The following CTNNA2 variants were observed in gnomAD, a reference collection of about 807,000 sequenced individuals.
CTNNA2 encodes the protein catenin alpha-2.
A neutral mutation model predicts 101.0 loss-of-function variants in CTNNA2; 42 were observed. The ratio of observed to expected loss-of-function variants is 0.42; its 90% CI spans 0.32 to 0.54. The LOEUF is 0.54. Ranked by LOEUF, CTNNA2 falls within the 20% of genes least tolerant of loss-of-function variation. The pLI is 0.14. For missense variants in CTNNA2, 871 were observed against 1,223.1 expected, an observed-to-expected ratio of 0.71 and a Z score of 4.29; for synonymous variants, 450 against 456.4, an observed-to-expected ratio of 0.99 and a Z score of 0.18.
At chr2:79,747,691 G>A (rs901808516) in intron 3 of CTNNA2, among the ~76,000 whole-genome samples, 1 of 152,166 alleles carries the variant, frequency 6.6e-6, no homozygotes, top group African/African-American at 2.4e-5. Context: ...AAACAACACA[G>A]TTCTTGGCCA....
chr2:80,284,313 A>G (rs545672605), intron 7 of CTNNA2, among the ~76,000 whole-genome samples: 1 of 152,244 alleles, frequency 6.6e-6, no homozygotes, highest in East Asian at 1.9e-4. Flanking sequence ...AGGCCAATCA[A>G]TTTTAAAGTA....
intron 8 of CTNNA2, among the ~76,000 whole-genome samples, chr2:80,395,847 T>C (rs771584823): frequency 6.6e-5 from 10 of 152,172 alleles, no homozygotes; most frequent in Non-Finnish European, 1.3e-4. Flanking sequence ...TTTAGAGAGA[T>C]CAAATCTCAT....
chr2:79,219,100 C>T (rs1048852177), intron 2 of CTNNA2, among the ~76,000 whole-genome samples: 1 of 152,068 alleles, frequency 6.6e-6, no homozygotes. Flanking sequence ...CCTTTACTTC[C>T]TCCTATTTTT....
intron 9 of CTNNA2, among the ~76,000 whole-genome samples, chr2:80,431,671 A>G (rs1681518252): frequency 6.6e-6 from 1 of 152,142 alleles, no homozygotes; most frequent in Non-Finnish European, 1.5e-5. Flanking sequence ...GGCAATATGG[A>G]ACCCATCACT....
At chr2:80,135,907 G>T (rs116391653) in intron 7 of CTNNA2, among the ~76,000 whole-genome samples, 6 of 152,068 alleles carry the variant, frequency 3.9e-5, no homozygotes, top group Admixed American at 1.3e-4. Flanking sequence ...GAGGATGGTG[G>T]TATAAAACAT....
chr2:79,595,076 C>T (rs1032504018), intron 1 of CTNNA2, among the ~76,000 whole-genome samples: 1 of 152,086 alleles, frequency 6.6e-6, no homozygotes, highest in Non-Finnish European at 1.5e-5. Flanking sequence ...TTTGCTTTCT[C>T]TCTTTAGTCC....
intron 3 of CTNNA2, among the ~76,000 whole-genome samples, chr2:79,771,690 C>A (rs539209359): frequency 1.3e-5 from 2 of 152,130 alleles, no homozygotes; most frequent in Non-Finnish European, 2.9e-5. Flanking sequence ...GGAGCTCAGG[C>A]GGTAATGCCA....
chr2:79,450,551 T>C (rs968022132), intron 4 of CTNNA2, among the ~76,000 whole-genome samples: 1 of 152,114 alleles, frequency 6.6e-6, no homozygotes, highest in Non-Finnish European at 1.5e-5. Flanking sequence ...CTAGGTATGC[T>C]TTTTGTTTGA....
At chr2:79,822,977 A>C (rs1242333389) in intron 3 of CTNNA2, among the ~76,000 whole-genome samples, 1 of 152,072 alleles carries the variant, frequency 6.6e-6, no homozygotes, top group African/African-American at 2.4e-5. Context: ...CTCTTTTCTG[A>C]TGTATGCTGG....
At chr2:79,701,738 ATGCC>A (rs990971015) in intron 2 of CTNNA2, among the ~76,000 whole-genome samples, 1 of 152,172 alleles carries the variant, frequency 6.6e-6, no homozygotes, top group African/African-American at 2.4e-5. Context: ...ATGATGGCTC[ATGCC>A]TGTAATCCCA....
intron 7 of CTNNA2, among the ~76,000 whole-genome samples, chr2:80,216,095 G>A (rs573874304): frequency 6.6e-6 from 1 of 152,326 alleles, no homozygotes; most frequent in African/African-American, 2.4e-5. Context: ...TGTGCCATTT[G>A]CTAAGACTGT....
At chr2:80,307,427 A>G (rs1229641515) in intron 7 of CTNNA2, among the ~76,000 whole-genome samples, 4 of 152,172 alleles carry the variant, frequency 2.6e-5, no homozygotes, top group Non-Finnish European at 5.9e-5. Context: ...GCTGTTTTTC[A>G]TGAGTTTTAA....
intron 7 of CTNNA2, among the ~76,000 whole-genome samples, chr2:80,084,199 A>G (rs547859269): frequency 6.6e-6 from 1 of 152,278 alleles, no homozygotes; most frequent in African/African-American, 2.4e-5. Flanking sequence ...AACTATTGAG[A>G]AGTTGACACA....
intron 1 of CTNNA2, among the ~76,000 whole-genome samples, chr2:79,548,482 G>T (rs895385774): frequency 2.6e-5 from 4 of 152,142 alleles, no homozygotes; most frequent in Non-Finnish European, 4.4e-5. Context: ...AGAAATTGAT[G>T]ATTTGATTTC....
intron 3 of CTNNA2, among the ~76,000 whole-genome samples, chr2:79,857,729 C>T (rs889434244): frequency 6.6e-6 from 1 of 152,138 alleles, no homozygotes; most frequent in Non-Finnish European, 1.5e-5. Flanking sequence ...GCAAATCCAT[C>T]TCAACTATTA....
intron 7 of CTNNA2, among the ~76,000 whole-genome samples, chr2:80,204,476 A>C (rs923120574): frequency 5.3e-5 from 8 of 152,344 alleles, no homozygotes; most frequent in African/African-American, 1.7e-4. Flanking sequence ...GCAAAATGCC[A>C]CCAGTCTCTT....
chr2:80,302,839 C>A lies in CTNNA2; in HGVS notation c.1057-90372C>A. 1 of 1,614,064 alleles carries A rather than the reference C, an allele frequency of 6.2e-7. No individual in the cohort carries two copies. ...AGCGCCCCTGGAAGTTGTTGAGCCACGAGGCTAGGGCACACACGTTGCGCC... is the reference window on the plus strand; with the variant it reads ...AGCGCCCCTGGAAGTTGTTGAGCCAAGAGGCTAGGGCACACACGTTGCGCC... On this transcript the variant is annotated intron_variant, in intron 7 of 18. Transcript: ENST00000402739. The surrounding 1 kb of genome is among the most constrained non-coding windows in gnomAD (Gnocchi z 6.4).
chr2:79,890,141 C>G (rs1684198272), intron 6 of CTNNA2, among the ~76,000 whole-genome samples: 1 of 152,160 alleles, frequency 6.6e-6, no homozygotes, highest in African/African-American at 2.4e-5. Context: ...GAGATTTCTT[C>G]TGCTTTGTTG....
At chr2:79,881,169 G>T (rs975980551) in intron 6 of CTNNA2, among the ~76,000 whole-genome samples, 2 of 152,144 alleles carry the variant, frequency 1.3e-5, no homozygotes, top group South Asian at 2.1e-4. Flanking sequence ...TTGCACTGTG[G>T]TCTGAGAGAC....
Sources: allele counts gnomAD v4.1 joint callset (sites outside exome capture counted in the v4.1 genomes callset), GRCh38; gene constraint gnomAD v4.1.1; non-coding constraint Gnocchi (gnomAD v3.1); transcripts MANE v1.5; gene names NCBI Gene and HGNC (gene_info 2026-07-23, HGNC 2026-07-21).